The following SIPA1L1 variants were observed in gnomAD, a reference collection of about 807,000 sequenced individuals.
The protein encoded by SIPA1L1 is signal induced proliferation associated 1 like 1.
SIPA1L1 carries 26 observed loss-of-function variants against 162.7 expected under a neutral mutation model. The ratio of observed to expected loss-of-function variants is 0.16; its 90% confidence interval spans 0.12 to 0.22. The LOEUF is 0.22. Among genes scored for constraint, SIPA1L1 ranks in the 10% least tolerant of loss-of-function variants. The pLI is 1.00. For synonymous variants in SIPA1L1, 829 were observed against 837.4 expected, an observed-to-expected ratio of 0.99 and a Z score of 0.17; for missense variants, 1,874 against 2,241.0, an observed-to-expected ratio of 0.84 and a Z score of 3.31.
chr14:71,363,745 C>T (rs2038020504), intron 2 of SIPA1L1, among the ~76,000 whole-genome samples: 1 of 152,114 alleles, frequency 6.6e-6, no homozygotes, highest in South Asian at 2.1e-4. Flanking sequence ...AACTATATTA[C>T]CAGTTAACAG....
intron 12 of SIPA1L1, among the ~76,000 whole-genome samples, chr14:71,677,270 T>C (rs1657079529): frequency 6.6e-6 from 1 of 152,258 alleles, no homozygotes; most frequent in Non-Finnish European, 1.5e-5. Context: ...CATAAATGTC[T>C]TCTTTTGCGA....
intron 2 of SIPA1L1, among the ~76,000 whole-genome samples, chr14:71,444,556 G>C (rs1221977800): frequency 6.6e-6 from 1 of 152,056 alleles, no homozygotes; most frequent in Non-Finnish European, 1.5e-5. Context: ...TCCCAGATTG[G>C]CATTTCTTTT....
chr14:71,670,158 T>C (rs953451654), intron 10 of SIPA1L1, among the ~76,000 whole-genome samples: 2 of 152,208 alleles, frequency 1.3e-5, no homozygotes, highest in Non-Finnish European at 2.9e-5. Context: ...TGTCAAACTT[T>C]ACTAAAATCT....
At chr14:71,553,554 A>G (rs1449844359) in intron 4 of SIPA1L1, among the ~76,000 whole-genome samples, 1 of 152,222 alleles carries the variant, frequency 6.6e-6, no homozygotes, top group Non-Finnish European at 1.5e-5. Flanking sequence ...TAGGAAAGGC[A>G]TGTTTTTCAG....
chr14:71,519,444 C>G (rs1211739008), intron 3 of SIPA1L1, among the ~76,000 whole-genome samples: 1 of 152,166 alleles, frequency 6.6e-6, no homozygotes, highest in Non-Finnish European at 1.5e-5. Context: ...ATCTGGCACC[C>G]TAATCTTGAT....
intron 2 of SIPA1L1, among the ~76,000 whole-genome samples, chr14:71,420,559 T>C (rs555763987): frequency 1.3e-5 from 2 of 152,350 alleles, no homozygotes; most frequent in South Asian, 2.1e-4. Flanking sequence ...CAGTCTTCAC[T>C]AACATCCAGA....
At chr14:71,356,862 T>A (rs201095616) in intron 2 of SIPA1L1, among the ~76,000 whole-genome samples, 3 of 151,930 alleles carry the variant, frequency 2.0e-5, no homozygotes, top group South Asian at 2.1e-4. Context: ...TTTTTTTTTT[T>A]AATCCTTGGT....
intron 4 of SIPA1L1, among the ~76,000 whole-genome samples, chr14:71,569,828 A>G (rs962525294): frequency 4.6e-5 from 7 of 152,186 alleles, no homozygotes; most frequent in Non-Finnish European, 1.5e-5. Flanking sequence ...AGTGTGCAGC[A>G]TTGGCACTGC....
intron 2 of SIPA1L1, among the ~76,000 whole-genome samples, chr14:71,442,149 G>T (rs959052922): frequency 8.4e-6 from 1 of 118,890 alleles, no homozygotes; most frequent in African/African-American, 3.4e-5. Context: ...CTCCAGCCTG[G>T]ATGACAGAGC....
At chr14:71,491,471 A>C (rs1408369338) in intron 2 of SIPA1L1, among the ~76,000 whole-genome samples, 2 of 152,186 alleles carry the variant, frequency 1.3e-5, no homozygotes, top group Non-Finnish European at 2.9e-5. Context: ...TATGAACTGT[A>C]ATCAGTGCTC....
intron 1 of SIPA1L1, among the ~76,000 whole-genome samples, chr14:71,320,916 C>T (rs945635190): frequency 4.6e-5 from 7 of 151,902 alleles, no homozygotes; most frequent in Non-Finnish European, 7.4e-5. Flanking sequence ...TCCGGGAGCT[C>T]GGCCCCCGCC....
intron 3 of SIPA1L1, among the ~76,000 whole-genome samples, chr14:71,527,856 G>A (rs1194872210): frequency 6.6e-6 from 1 of 152,152 alleles, no homozygotes; most frequent in African/African-American, 2.4e-5. Context: ...TATGTGGTCT[G>A]AGGTTTGGAT....
chr14:71,672,510 T>C lies in SIPA1L1; in HGVS notation c.2992T>C (p.Cys998Arg). The change falls in exon 12 of 24, where the codon TGC becomes CGC. Residue 998 changes from cysteine to arginine, a missense_variant. Physicochemically the swap from Cys to Arg is radical, Grantham distance 180 (BLOSUM62 -3). Transcript: ENST00000381232. Reference protein sequence around the residue: ...LRQGSRLVEICKVAVATLSHE... With the variant: ...LRQGSRLVEIRKVAVATLSHE... Reference sequence around the variant, plus strand: ...GCAGGGCAGTCGCCTGGTGGAGATCTGCAAGGTGGCGGTAGCCACTCTGAG... The same window carrying C: ...GCAGGGCAGTCGCCTGGTGGAGATCCGCAAGGTGGCGGTAGCCACTCTGAG... The C allele has an allele frequency of 6.2e-7, 1 of 1,614,180 alleles. No individual in the cohort carries two copies. The highest frequency in any genetic ancestry group is 8.5e-7 in the Non-Finnish European group (1 of 1,180,030).
rs764620692 is a variant in SIPA1L1 at position 71,588,507 on chromosome 14, T to C, written c.635T>C (p.Ile212Thr). 1.2e-6 allele frequency: 2 copies of C among 1,614,170 alleles called. No homozygotes were observed. Among genetic ancestry groups the C allele is most frequent in the South Asian group, 1.1e-5 (1 of 91,092 alleles). ...AGGGAATATGGTAGCACATCTTCAA[T>C]TGATAAACAGGGAACATCTGGAGAA... Reference protein sequence around the residue: ...LHREYGSTSSIDKQGTSGESF... With the variant: ...LHREYGSTSSTDKQGTSGESF... Residue 212 changes from isoleucine to threonine, a missense_variant, in exon 5 of 24, where the codon ATT becomes ACT. Around this residue, in one of 5 missense-constraint regions of SIPA1L1, gnomAD observed 685 missense variants for 828.0 expected, o/e 0.83. Transcript: ENST00000381232. This position sits in a 1 kb window ranked among gnomAD's most constrained non-coding sequence, Gnocchi z 4.3.
chr14:71,729,633 G>A (rs140602639), intron 19 of SIPA1L1, among the ~76,000 whole-genome samples: 5 of 152,234 alleles, frequency 3.3e-5, no homozygotes, highest in East Asian at 3.9e-4. Context: ...TCAGTCCAGC[G>A]TTTTGTTTAA....
chr14:71,583,406 T>C (rs1190445838), intron 4 of SIPA1L1, among the ~76,000 whole-genome samples: 1 of 152,240 alleles, frequency 6.6e-6, no homozygotes, highest in Non-Finnish European at 1.5e-5. Context: ...GCTGGCGTTG[T>C]ATTTTAGGCT....
chr14:71,452,354 C>T (rs913111484), intron 2 of SIPA1L1, among the ~76,000 whole-genome samples: 3 of 152,000 alleles, frequency 2.0e-5, no homozygotes, highest in African/African-American at 7.3e-5. Flanking sequence ...TACACATTTT[C>T]GTATATAGGA....
At chr14:71,581,832 A>G (rs912179625) in intron 4 of SIPA1L1, among the ~76,000 whole-genome samples, 9 of 152,008 alleles carry the variant, frequency 5.9e-5, no homozygotes, top group African/African-American at 1.7e-4. Flanking sequence ...CTCAAACACT[A>G]TTTTCCTCTA....
intron 4 of SIPA1L1, among the ~76,000 whole-genome samples, chr14:71,562,608 G>C (rs1328261322): frequency 6.6e-6 from 1 of 152,134 alleles, no homozygotes; most frequent in African/African-American, 2.4e-5. Context: ...ATTTAACCCA[G>C]AATTCGTTGG....
Sources: allele counts gnomAD v4.1 joint callset (sites outside exome capture counted in the v4.1 genomes callset), GRCh38; gene constraint gnomAD v4.1.1; regional missense constraint gnomAD v4.1.1; non-coding constraint Gnocchi (gnomAD v3.1); transcripts MANE v1.5; gene names NCBI Gene and HGNC (gene_info 2026-07-23, HGNC 2026-07-21).